Variants in MATK observed in about 807,000 individuals in gnomAD.
MATK encodes the protein megakaryocyte-associated tyrosine-protein kinase.
A neutral mutation model predicts 59.8 loss-of-function variants in MATK; 41 were observed. The observed-to-expected ratio is 0.69, with a 90% CI of 0.53 to 0.89. The LOEUF (loss-of-function observed/expected upper bound fraction) is 0.89. Ranked by LOEUF, MATK falls within the 40% of genes least tolerant of loss-of-function variation. The pLI, the probability that MATK is intolerant of heterozygous loss-of-function variation, is 0.00. For synonymous variants in MATK, 308 were observed against 306.1 expected (o/e 1.01, Z -0.06); for missense variants, 593 against 719.6 (o/e 0.82, Z 2.01).
Position 3,786,190 on chromosome 19 carries a change from G to T in MATK, c.-173C>A. 1 of 982,650 alleles carries T rather than the reference G, an allele frequency of 1.0e-6. No individual in the cohort carries two copies. Among genetic ancestry groups the T allele is most frequent in the South Asian group, 4.7e-5 (1 of 21,244 alleles). The allele number at this position is 982,650 out of a possible 1,614,324, so 60.9% of individuals were successfully genotyped here. ...TCACCTGCTCAGGGGGCGCCCCCGA[G>T]CCGCGCCCCGCGCCCGCCCCCAGGA... On this transcript the variant is annotated 5_prime_UTR_variant, in exon 1 of 14. Coordinates refer to ENST00000310132, the MANE Select transcript of MATK (RefSeq NM_139355.3). The surrounding 1 kb of genome is among the most constrained non-coding windows in gnomAD (Gnocchi z 4.1).
At chr19:3,799,561 C>T (rs549294898) in intron 1 of MATK, among the ~76,000 whole-genome samples, 2 of 152,200 alleles carry the variant, frequency 1.3e-5, no homozygotes, top group East Asian at 1.9e-4. Context: ...GAGTTGAGGC[C>T]GGGTGTGGTG....
chr19:3,786,384 G>A (rs1476664755), upstream of MATK: 2 of 981,690 alleles, frequency 2.0e-6, no homozygotes, highest in Non-Finnish European at 2.4e-6. The surrounding 1 kb of genome is among the most constrained non-coding windows in gnomAD (Gnocchi z 4.1). Flanking sequence ...GCCGCACTGC[G>A]GTCTCCTCCG....
At chr19:3,786,992 C>T (rs1311738358), upstream of MATK, among the ~76,000 whole-genome samples, 1 of 152,012 alleles carries the variant, frequency 6.6e-6, no homozygotes, top group Non-Finnish European at 1.5e-5. This position sits in a 1 kb window ranked among gnomAD's most constrained non-coding sequence, Gnocchi z 4.1. Flanking sequence ...GGGTGGGGGC[C>T]CCACCCGCTT....
intron 6 of MATK, 72 bp from the exon 7 acceptor site, chr19:3,783,291 GTGGCCTCT>G: frequency 1.0e-6 from 1 of 976,186 alleles, no homozygotes. Context: ...CCGTTCCCGG[GTGGCCTCT>G]GGGTGGGGTG....
chr19:3,789,380 T>C (rs1568409689), upstream of MATK: 1 of 731,450 alleles, frequency 1.4e-6, no homozygotes, highest in Non-Finnish European at 2.6e-6. Context: ...TAGCACCCCA[T>C]GAAGACTTTC....
intron 1 of MATK, among the ~76,000 whole-genome samples, chr19:3,795,454 T>A (rs2037585050): frequency 6.6e-6 from 1 of 151,774 alleles, no homozygotes; most frequent in Admixed American, 6.6e-5. Flanking sequence ...TGTATTTTAG[T>A]AGAGATGGGT....
chr19:3,798,233 T>A (rs941832417), intron 1 of MATK, among the ~76,000 whole-genome samples: 11 of 152,152 alleles, frequency 7.2e-5, no homozygotes, highest in African/African-American at 2.7e-4. Flanking sequence ...TTCTGCCCTC[T>A]TTGTCTCTCC....
rs531765169 is a variant in MATK, at chr19:3,783,761, G to A, written c.582+53C>T. ...ATCTCTACGTAGGGGAGTCTCCGGA[G>A]TCCCTGGGCTGCCCCACTGCAGGGA... On this transcript the variant is annotated intron_variant, in intron 6 of 13. Transcript: ENST00000310132. 86 of 1,550,148 alleles carry A rather than the reference G, an allele frequency of 5.5e-5. No homozygotes were observed. The African/African-American group carries it at 1.1e-3, about 20-fold the overall frequency.
chr19:3,782,496 T>G (rs2037415118), intron 7 of MATK, among the ~76,000 whole-genome samples: 1 of 152,214 alleles, frequency 6.6e-6, no homozygotes, highest in Admixed American at 6.5e-5. Flanking sequence ...GGAAAAGCAT[T>G]TCAGGTGAAG....
rs549421593 is a variant in MATK at position 3,779,508 on chromosome 19, C to G, written c.927+25G>C. ...TGGGGCTGCTCCGCTGCGTGGGCCC[C>G]CTCCCCGCCTGGGCCCCGCCCCACC... On this transcript the variant is annotated intron_variant, in intron 10 of 13. Coordinates refer to ENST00000310132, the MANE Select transcript of MATK (RefSeq NM_139355.3). The G allele has an allele frequency of 1.4e-5, 23 of 1,610,940 alleles. No individual in the cohort carries two copies. The East Asian group carries it at 2.0e-4, about 14-fold the overall frequency.
Position 3,779,594 on chromosome 19 carries a change from A to T in MATK, c.866T>A (p.Val289Glu). The change falls in exon 10 of 14, where the codon GTG (valine) becomes GAG (glutamate). Residue 289 changes from valine (V) to glutamate (E), a missense_variant. Physicochemically the swap from Val to Glu is moderately radical, Grantham distance 121. Coordinates refer to ENST00000310132, the MANE Select transcript of MATK (RefSeq NM_139355.3). Reference protein sequence around the residue: ...VMTKMQHENLVRLLGVILHQG... With the variant: ...VMTKMQHENLERLLGVILHQG... ...GTGCAGGATCACGCCCAGGAGACGC[A>T]CCAGGTTCTCGTGTTGCATCTTCCT... The T allele has an allele frequency of 1.2e-6, 2 of 1,611,762 alleles. No individual in the cohort carries two copies. Among genetic ancestry groups the T allele is most frequent in the Non-Finnish European group, 1.7e-6 (2 of 1,179,484 alleles).
chr19:3,800,905 C>T (rs971125459), intron 1 of MATK, among the ~76,000 whole-genome samples: 1 of 152,050 alleles, frequency 6.6e-6, no homozygotes, highest in Non-Finnish European at 1.5e-5. Context: ...CTGTCATCCA[C>T]GCTGGAGTGC....
chr19:3,780,312 G>A (rs2037382159), intron 8 of MATK, among the ~76,000 whole-genome samples: 1 of 152,052 alleles, frequency 6.6e-6, no homozygotes, highest in Non-Finnish European at 1.5e-5. Context: ...AAAACAAAGA[G>A]AGAACCATCT....
chr19:3,786,888 G>C (rs925423673), upstream of MATK, among the ~76,000 whole-genome samples: 7 of 152,148 alleles, frequency 4.6e-5, no homozygotes, highest in Non-Finnish European at 1.0e-4. The surrounding 1 kb of genome is among the most constrained non-coding windows in gnomAD (Gnocchi z 4.1). Flanking sequence ...CCTCCTTGGA[G>C]GGTAAAAGGG....
chr19:3,798,181 T>C lies in MATK; in HGVS notation c.-58+3351A>G, dbSNP rs146957174. ...ACAGGTTTTGTTTTTTTCTGTTCTG[T>C]GTTTGAATCAGGAACATAAGGATTT... is the stretch of plus-strand genomic sequence containing the variant. On this transcript the variant is annotated intron_variant, in intron 1 of 13. Coordinates refer to the MATK transcript ENST00000395045. Among the ~76,000 whole-genome samples the C allele has an allele frequency of 4.5e-3, 684 of 152,334 alleles. 3 individuals carry two copies. Among genetic ancestry groups the C allele is most frequent in the South Asian group, 0.01 (49 of 4,828 alleles).
intron 1 of MATK, among the ~76,000 whole-genome samples, chr19:3,800,194 G>C (rs2037630591): frequency 6.6e-6 from 1 of 151,916 alleles, no homozygotes; most frequent in Non-Finnish European, 1.5e-5. Context: ...GTGTCTTGTA[G>C]GGTCATGAGA....
chr19:3,780,970 C>G (rs74574245), intron 8 of MATK, among the ~76,000 whole-genome samples: 4,898 of 151,916 alleles, frequency 0.032, 124 homozygotes, highest in Middle Eastern at 0.092. Flanking sequence ...CTCAAGGGAT[C>G]CTCCTGCCCC....
chr19:3,785,105 G>A lies in MATK; in HGVS notation c.31C>T (p.Arg11Trp), dbSNP rs375541440. ...GCAGAATCACAGCCGTGAAATGCCC[G>A]CCAGGAAACCAGAGAGCCTCGCCCC... MAGRGSLVSW[R>W]AFHGCDSAEE... Residue 11 changes from arginine to tryptophan, a missense_variant, in exon 2 of 14, where the codon CGG (arginine) becomes TGG (tryptophan). Physicochemically the swap from Arg to Trp is moderately radical, Grantham distance 101 (BLOSUM62 -3). Coordinates refer to ENST00000310132, the MANE Select transcript of MATK (RefSeq NM_139355.3). The A allele has an allele frequency of 3.7e-6, 6 of 1,613,976 alleles. No individual in the cohort carries two copies. The highest frequency in any genetic ancestry group is 3.3e-5 in the South Asian group (3 of 91,090).
In MATK at chr19:3,784,420, G is replaced by A. The variant is rs2037449062; in HGVS notation, c.164C>T (p.Thr55Ile). 1 of 1,602,760 alleles carries A rather than the reference G, an allele frequency of 6.2e-7. No homozygotes were observed. The highest frequency in any genetic ancestry group is 1.1e-5 in the South Asian group (1 of 90,236). Residue 55 changes from threonine (T) to isoleucine (I), a missense_variant, in exon 4 of 14, where the codon ACC (threonine) becomes ATC (isoleucine). Coordinates refer to ENST00000310132, the MANE Select transcript of MATK (RefSeq NM_139355.3). ...CTTGGGGCGGGTGTGCTCGCATTTGGTGATACACTGGGTGCCCGGGGCCCA... is the reference window on the plus strand; with the variant it reads ...CTTGGGGCGGGTGTGCTCGCATTTGATGATACACTGGGTGCCCGGGGCCCA... Reference protein sequence around the residue: ...RRWAPGTQCITKCEHTRPKPG... With the variant: ...RRWAPGTQCIIKCEHTRPKPG...
Sources: gnomAD v4.1 joint callset for allele counts (sites outside exome capture counted in the v4.1 genomes callset) on GRCh38, gnomAD v4.1.1 for gene constraint, Gnocchi (gnomAD v3.1) non-coding constraint, MANE v1.5 for transcripts, NCBI Gene and HGNC (gene_info 2026-07-23, HGNC 2026-07-21) for gene names.